Variants in KIAA1586 observed in about 807,000 individuals in gnomAD.
The protein encoded by KIAA1586 is E3 SUMO-protein ligase KIAA1586.
KIAA1586 carries 5 observed loss-of-function variants against 6.1 expected under a neutral mutation model. That is an observed-to-expected ratio of 0.82 (90% CI 0.43 to 1.73). KIAA1586 has a LOEUF of 1.73. KIAA1586 is among the 40% of genes most tolerant of loss of function. The pLI, the probability that KIAA1586 is intolerant of heterozygous loss-of-function variation, is 0.02. For synonymous variants in KIAA1586, 280 were observed against 301.7 expected, an observed-to-expected ratio of 0.93 and a Z score of 0.75; for missense variants, 899 against 878.2, an observed-to-expected ratio of 1.02 and a Z score of -0.30.
intron 2 of KIAA1586, among the ~76,000 whole-genome samples, chr6:57,048,950 A>G (rs1442250501): frequency 6.6e-6 from 1 of 152,228 alleles, no homozygotes; most frequent in Non-Finnish European, 1.5e-5. Context: ...GAGTTAATAT[A>G]TAGGCTGTGT....
At position 57,054,616 on chromosome 6, in the gene KIAA1586, A is replaced by G. The variant is rs1828453424; in HGVS notation, c.2117A>G (p.Glu706Gly). Reference protein sequence around the residue: ...IVSTIAINSAEAERGFNLMNI... With the variant: ...IVSTIAINSAGAERGFNLMNI... ...AGCACCATTGCAATCAATAGTGCTGAAGCTGAAAGGGGTTTCAATTTAATG... is the reference window on the plus strand; with the variant it reads ...AGCACCATTGCAATCAATAGTGCTGGAGCTGAAAGGGGTTTCAATTTAATG... The change falls in exon 4 of 4, where the codon GAA (glutamate) becomes GGA (glycine). Residue 706 changes from glutamate (E) to glycine (G), a missense_variant. Transcript: ENST00000370733. 6.3e-7 allele frequency: 1 copy of G among 1,599,704 alleles called. No homozygotes were observed. Among genetic ancestry groups the G allele is most frequent in the Non-Finnish European group, 8.5e-7 (1 of 1,170,990 alleles).
downstream of KIAA1586, among the ~76,000 whole-genome samples, chr6:57,057,452 C>T (rs1386635412): frequency 6.6e-6 from 1 of 151,984 alleles, no homozygotes; most frequent in Non-Finnish European, 1.5e-5. Flanking sequence ...CAATTGATGG[C>T]CCCAAAAGTC....
Position 57,053,137 on chromosome 6 carries a change from C to T in KIAA1586, c.638C>T (p.Ser213Phe), listed in dbSNP as rs1301317902. The T allele has an allele frequency of 6.2e-7, 1 of 1,611,364 alleles. No homozygotes were observed. The highest frequency in any genetic ancestry group is 1.1e-5 in the South Asian group (1 of 90,576). The change falls in exon 4 of 4, where the codon TCT becomes TTT. Residue 213 changes from serine to phenylalanine, a missense_variant. Transcript: ENST00000370733. The stretch of plus-strand genomic sequence containing the variant: ...AAAAAAATTAGGGAACATGATGTTT[C>T]TAAAGCCCATGGTAAAATTCAGGAT... ...LRKKIREHDV[S>F]KAHGKIQDLL...
At chr6:57,048,191 A>C (rs1438429343) in intron 2 of KIAA1586, among the ~76,000 whole-genome samples, 1 of 151,994 alleles carries the variant, frequency 6.6e-6, no homozygotes, top group Admixed American at 6.5e-5. Flanking sequence ...GTGGTATCTC[A>C]GCTCGCCAGG....
chr6:57,058,932 A>C (rs147380484), downstream of KIAA1586, among the ~76,000 whole-genome samples: 287 of 152,344 alleles, frequency 1.9e-3, no homozygotes, highest in African/African-American at 6.7e-3. Context: ...AATGTTTTCA[A>C]ACTTATATGC....
chr6:57,060,175 T>G (rs1008265477), downstream of KIAA1586, among the ~76,000 whole-genome samples: 1 of 152,146 alleles, frequency 6.6e-6, no homozygotes, highest in East Asian at 1.9e-4. Flanking sequence ...ATGGCTACAG[T>G]CTTTGCTTGA....
downstream of KIAA1586, among the ~76,000 whole-genome samples, chr6:57,058,874 A>G (rs1482288095): frequency 6.6e-6 from 1 of 152,232 alleles, no homozygotes; most frequent in East Asian, 1.9e-4. Flanking sequence ...GTCAGTGTTA[A>G]CAGTACTGAG....
intron 2 of KIAA1586, among the ~76,000 whole-genome samples, chr6:57,048,573 A>C (rs1203755052): frequency 6.6e-6 from 1 of 152,178 alleles, no homozygotes; most frequent in Non-Finnish European, 1.5e-5. Flanking sequence ...GTTGTTATGG[A>C]GTAAGCAACG....
chr6:57,051,760 C>T (rs908434293), intron 3 of KIAA1586, among the ~76,000 whole-genome samples: 1 of 152,138 alleles, frequency 6.6e-6, no homozygotes, highest in Non-Finnish European at 1.5e-5. Context: ...ATAGTGAAAC[C>T]TCATCTCTAC....
chr6:57,051,637 A>G (rs554199424), intron 3 of KIAA1586, among the ~76,000 whole-genome samples: 6 of 149,296 alleles, frequency 4.0e-5, no homozygotes, highest in Non-Finnish European at 8.8e-5. Context: ...GTTGCTTTGC[A>G]ATATTCCAAA....
intron 2 of KIAA1586, among the ~76,000 whole-genome samples, chr6:57,048,842 AGAAACACAGATGG>A (rs1252459366): frequency 6.6e-6 from 1 of 152,216 alleles, no homozygotes; most frequent in Non-Finnish European, 1.5e-5. Context: ...TGTGCCGTTG[AGAAACACAGATGG>A]GATGTACAAA....
intron 3 of KIAA1586, 87 bp from the exon 4 acceptor site, chr6:57,052,599 C>A: frequency 2.9e-6 from 3 of 1,035,770 alleles, no homozygotes; most frequent in South Asian, 5.4e-5. Context: ...AATGTATTTC[C>A]AAAATTAGAT....
At chr6:57,062,768 T>C in the KIAA1586 span, among the ~76,000 whole-genome samples, 1 of 152,132 alleles carries the variant, frequency 6.6e-6, no homozygotes, top group African/African-American at 2.4e-5. Context: ...AATATTTTTG[T>C]GGCCGAGCAT....
At chr6:57,050,452 G>A (rs1828290379) in intron 2 of KIAA1586, among the ~76,000 whole-genome samples, 1 of 151,330 alleles carries the variant, frequency 6.6e-6, no homozygotes, top group African/African-American at 2.4e-5. Flanking sequence ...CAAGTAGCTG[G>A]GATTACAGGT....
rs201387216 is a variant in KIAA1586, at chr6:57,053,989, A to G, written c.1490A>G (p.His497Arg). 6 of 1,603,070 alleles carry G rather than the reference A, an allele frequency of 3.7e-6. No individual in the cohort carries two copies. The highest frequency in any genetic ancestry group is 2.2e-5 in the East Asian group (1 of 44,794). Residue 497 changes from histidine (H) to arginine (R), a missense_variant, in exon 4 of 4, where the codon CAT becomes CGT. Coordinates refer to ENST00000370733, the MANE Select transcript of KIAA1586 (RefSeq NM_020931.4). ...TTACAAGCTGCTACTGCTGTATGGCATGCATATCCTATATTATATATGCAT... is the reference window on the plus strand; with the variant it reads ...TTACAAGCTGCTACTGCTGTATGGCGTGCATATCCTATATTATATATGCAT... ...CSLQAATAVWHAYPILYMHFS... is the reference protein window; with the variant it reads ...CSLQAATAVWRAYPILYMHFS...
In KIAA1586 at chr6:57,053,723, A is replaced by C; in HGVS notation, c.1224A>C (p.Glu408Asp). The stretch of plus-strand genomic sequence containing the variant: ...CTGGAGTAGCTACAAAATTGTTAGA[A>C]AATTTTCCTGAAATCATCATTTGGA... ...RKSGVATKLL[E>D]NFPEIIIWNC... Residue 408 changes from glutamate to aspartate, a missense_variant, in exon 4 of 4, where the codon GAA becomes GAC. Transcript: ENST00000370733. 6.2e-7 allele frequency: 1 copy of C among 1,610,854 alleles called. No homozygotes were observed. The highest frequency in any genetic ancestry group is 8.5e-7 in the Non-Finnish European group (1 of 1,177,740).
the KIAA1586 span, among the ~76,000 whole-genome samples, chr6:57,062,402 A>G: frequency 6.6e-6 from 1 of 152,166 alleles, no homozygotes; most frequent in African/African-American, 2.4e-5. Context: ...CCAATTCTCA[A>G]CTGTGACTAA....
chr6:57,050,627 T>C, intron 2 of KIAA1586, 147 bp from the exon 3 acceptor site: 1 of 601,284 alleles, frequency 1.7e-6, no homozygotes, highest in South Asian at 1.9e-5. Flanking sequence ...CTTTGCCCGT[T>C]TTGTTTCTAA....
chr6:57,054,211 C>T lies in KIAA1586; in HGVS notation c.1712C>T (p.Thr571Ile). 6.3e-7 allele frequency: 1 copy of T among 1,593,634 alleles called. No homozygotes were observed. The highest frequency in any genetic ancestry group is 1.7e-4 in the Middle Eastern group (1 of 5,916). The change falls in exon 4 of 4, where the codon ACT (threonine) becomes ATT (isoleucine). Residue 571 changes from threonine (T) to isoleucine (I), a missense_variant. Coordinates refer to ENST00000370733, the MANE Select transcript of KIAA1586 (RefSeq NM_020931.4). ...IRALENLKIG[T>I]GKYESQIEDL... is the part of the protein sequence containing the mutation. ...GCTTTGGAAAATTTAAAAATTGGTACTGGAAAGTATGAATCTCAAATTGAA... is the reference window on the plus strand; with the variant it reads ...GCTTTGGAAAATTTAAAAATTGGTATTGGAAAGTATGAATCTCAAATTGAA...
Sources: gnomAD v4.1 joint callset for allele counts (sites outside exome capture counted in the v4.1 genomes callset) on GRCh38, gnomAD v4.1.1 for gene constraint, MANE v1.5 for transcripts, NCBI Gene and HGNC (gene_info 2026-07-23, HGNC 2026-07-21) for gene names.